Variants in INTS10 observed in about 807,000 individuals in gnomAD.
INTS10 encodes integrator complex subunit 10, also known as chromosome 8 open reading frame 35.
In INTS10, 44 loss-of-function variants were observed where a neutral mutation model predicts 94.4. The observed-to-expected ratio is 0.47, with a 90% CI of 0.37 to 0.60. INTS10 has a LOEUF of 0.60. Ranked by LOEUF, INTS10 falls within the 20% of genes least tolerant of loss-of-function variation. The pLI is 0.00. For synonymous variants in INTS10, 341 were observed against 320.7 expected (o/e 1.06, Z -0.68); for missense variants, 797 against 868.7 (o/e 0.92, Z 1.04).
chr8:19,824,283 G>A (rs866905255), intron 7 of INTS10: 3 of 315,944 alleles, frequency 9.5e-6, no homozygotes, highest in East Asian at 6.5e-5. Flanking sequence ...CTTGAGGTCA[G>A]GAGTTCGAGA....
rs372358551 is a variant in INTS10, at chr8:19,817,615, G to C, written c.78G>C (p.Lys26Asn). The change falls in exon 1 of 17, where the codon AAG (lysine) becomes AAC (asparagine). Residue 26 changes from lysine to asparagine, a missense_variant. This residue lies in a region of INTS10 where 734 missense variants were observed against 787.8 expected (regional missense o/e 0.93). Transcript: ENST00000397977. Reference sequence around the variant, plus strand: ...TGCCGCAAGACCTGTGGGCAGCCAAGGCGTGGCTGATCACGGCCCGCAGCC... The same window carrying C: ...TGCCGCAAGACCTGTGGGCAGCCAACGCGTGGCTGATCACGGCCCGCAGCC... ...ELVPQDLWAA[K>N]AWLITARSLY... 1.3e-4 allele frequency: 215 copies of C among 1,608,418 alleles called. No homozygotes were observed. Among genetic ancestry groups the C allele is most frequent in the Non-Finnish European group, 1.7e-4 (201 of 1,178,148 alleles).
intron 16 of INTS10, among the ~76,000 whole-genome samples, chr8:19,848,266 C>T (rs1031433550): frequency 5.3e-5 from 8 of 152,196 alleles, no homozygotes; most frequent in African/African-American, 1.2e-4. Context: ...GTGTACACTT[C>T]TCCCCGGGGG....
Position 19,832,098 on chromosome 8 carries a change from G to C in INTS10, c.1365G>C (p.Met455Ile). The C allele has an allele frequency of 6.4e-7, 1 of 1,565,552 alleles. No homozygotes were observed. Among genetic ancestry groups the C allele is most frequent in the Non-Finnish European group, 8.8e-7 (1 of 1,135,690 alleles). Residue 455 changes from methionine (M) to isoleucine (I), a missense_variant, in exon 11 of 17, where the codon ATG becomes ATC. Physicochemically the swap from Met to Ile is conservative, Grantham distance 10. Around this residue, in one of 3 missense-constraint regions of INTS10, gnomAD observed 734 missense variants for 787.8 expected, o/e 0.93. Transcript: ENST00000397977. ...WLWLRIFLTD[M>I]IIYQGQYKKA... is the part of the protein sequence containing the mutation. ...GGTTAAGAATCTTCCTCACTGATAT[G>C]ATCATCTATCAGGTAGAGTATTATA...
At chr8:19,825,112 G>A in intron 8 of INTS10, 140 bp downstream of exon 8, 1 of 684,954 alleles carries the variant, frequency 1.5e-6, no homozygotes, top group Non-Finnish European at 2.4e-6. Flanking sequence ...TGGCGATTTA[G>A]TTTTGTTTAG....
intron 3 of INTS10, 84 bp from the exon 4 acceptor site, chr8:19,820,295 A>G: frequency 7.5e-7 from 1 of 1,341,754 alleles, no homozygotes; most frequent in South Asian, 1.4e-5. Flanking sequence ...ACTGTTCTGT[A>G]CATGAAAATG....
In INTS10 at chr8:19,843,452, C is replaced by G. The variant is rs142037993; in HGVS notation, c.1719+525C>G. Among the ~76,000 whole-genome samples the G allele has an allele frequency of 2.6e-3, 395 of 152,254 alleles. No homozygotes were observed. Among genetic ancestry groups the G allele is most frequent in the African/African-American group, 9.3e-3 (385 of 41,544 alleles). ...CATTGTTTCTGGAAGGTTTGTTGGC[C>G]AGAGAGTAAAACATTGGGTCTCCAC... On this transcript the variant is annotated intron_variant, in intron 14 of 16. Coordinates refer to ENST00000397977, the MANE Select transcript of INTS10 (RefSeq NM_018142.4). The surrounding 1 kb of genome is among the most constrained non-coding windows in gnomAD (Gnocchi z 4.7).
At chr8:19,834,123 T>G (rs1330823675) in intron 12 of INTS10, among the ~76,000 whole-genome samples, 1 of 152,188 alleles carries the variant, frequency 6.6e-6, no homozygotes, top group African/African-American at 2.4e-5. Flanking sequence ...GTTTTTATCT[T>G]TGAACTCTCA....
intron 9 of INTS10, 96 bp downstream of exon 9, chr8:19,826,655 G>A (rs1280234436): frequency 1.7e-6 from 2 of 1,149,290 alleles, no homozygotes; most frequent in Non-Finnish European, 2.4e-6. Flanking sequence ...AATCGATAAA[G>A]CCTGGGTTTT....
At chr8:19,839,780 A>C (rs1027846563) in intron 13 of INTS10, among the ~76,000 whole-genome samples, 2 of 152,126 alleles carry the variant, frequency 1.3e-5, no homozygotes, top group Admixed American at 1.3e-4. Flanking sequence ...CAAATCCCCA[A>C]GGCTGGGCGC....
At chr8:19,819,747 A>G in intron 3 of INTS10, 71 bp downstream of exon 3, 1 of 1,138,628 alleles carries the variant, frequency 8.8e-7, no homozygotes, top group East Asian at 2.5e-5. Context: ...ACACACAAAA[A>G]AGTCACACCT....
intron 4 of INTS10, chr8:19,821,075 C>G (rs956589476): frequency 6.7e-6 from 1 of 148,976 alleles, no homozygotes. Context: ...GGTTTCAAAC[C>G]ATTCACTCCA....
At chr8:19,837,227 A>G (rs1161475996) in intron 13 of INTS10, 67 bp downstream of exon 13, 7 of 991,292 alleles carry the variant, frequency 7.1e-6, no homozygotes, top group Non-Finnish European at 1.1e-5. Context: ...GGTGGCTCAC[A>G]CTTGTAATCT....
At chr8:19,840,128 T>G (rs2068017555) in intron 13 of INTS10, among the ~76,000 whole-genome samples, 1 of 151,606 alleles carries the variant, frequency 6.6e-6, no homozygotes, top group South Asian at 2.1e-4. Context: ...TCAATTCAAT[T>G]TGTATGCTAT....
intron 8 of INTS10, among the ~76,000 whole-genome samples, chr8:19,825,607 T>C (rs2066731952): frequency 6.6e-6 from 1 of 152,066 alleles, no homozygotes; most frequent in Non-Finnish European, 1.5e-5. Flanking sequence ...CAAAGATTTA[T>C]TTAGTAAAAT....
intron 12 of INTS10, among the ~76,000 whole-genome samples, chr8:19,835,506 C>A (rs2067582239): frequency 6.6e-6 from 1 of 152,176 alleles, no homozygotes; most frequent in African/African-American, 2.4e-5. Context: ...GCACAATAGG[C>A]ATTCAGGGAA....
Position 19,822,581 on chromosome 8 carries a change from G to C in INTS10, c.523+61G>C, listed in dbSNP as rs572015416. On this transcript the variant is annotated intron_variant, in intron 5 of 16. Coordinates refer to ENST00000397977, the MANE Select transcript of INTS10 (RefSeq NM_018142.4). ...AAATTAATATGCTGGGGTAAGTGTTGGTTCAGGGATAAGCTCATATATGAA... is the reference window on the plus strand; with the variant it reads ...AAATTAATATGCTGGGGTAAGTGTTCGTTCAGGGATAAGCTCATATATGAA... The C allele has an allele frequency of 1.8e-4, 191 of 1,039,842 alleles. No individual in the cohort carries two copies. The African/African-American group carries it at 2.3e-3, about 13-fold the overall frequency. 64.4% of individuals were successfully genotyped at this position (1,039,842 alleles called of 1,614,324 possible). A position where few individuals can be genotyped will look rare whatever the true frequency, so the allele number is the denominator to read the frequency against.
intron 1 of INTS10, 55 bp downstream of exon 1, chr8:19,817,721 G>A: frequency 6.4e-7 from 1 of 1,553,818 alleles, no homozygotes; most frequent in Non-Finnish European, 8.7e-7. Flanking sequence ...CGCTCCCGTC[G>A]CCCGGGCTGC....
intron 12 of INTS10, among the ~76,000 whole-genome samples, chr8:19,835,883 G>A (rs1041629339): frequency 2.6e-5 from 4 of 152,186 alleles, no homozygotes; most frequent in Non-Finnish European, 5.9e-5. Context: ...TTCAGGATGT[G>A]CCACAACATG....
intron 16 of INTS10, chr8:19,848,988 C>T: frequency 3.5e-6 from 1 of 285,160 alleles, no homozygotes; most frequent in South Asian, 2.7e-5. Flanking sequence ...TGAGGGCTGG[C>T]TAGCTTCTCC....
Sources: allele counts gnomAD v4.1 joint callset (sites outside exome capture counted in the v4.1 genomes callset), GRCh38; gene constraint gnomAD v4.1.1; regional missense constraint gnomAD v4.1.1; non-coding constraint Gnocchi (gnomAD v3.1); transcripts MANE v1.5; gene names NCBI Gene and HGNC (gene_info 2026-07-23, HGNC 2026-07-21).